Variants in ARHGEF10L observed in about 807,000 individuals in gnomAD.
ARHGEF10L encodes Rho guanine nucleotide exchange factor 10 like.
A neutral mutation model predicts 141.2 loss-of-function variants in ARHGEF10L; 69 were observed. The observed-to-expected ratio is 0.49, with a 90% CI of 0.40 to 0.60. ARHGEF10L has a LOEUF of 0.60. Ranked by LOEUF, ARHGEF10L falls within the 20% of genes least tolerant of loss-of-function variation. The pLI is 0.00. For missense variants in ARHGEF10L, 1,482 were observed against 1,734.3 expected (o/e 0.85, Z 2.58); for synonymous variants, 711 against 718.5 (o/e 0.99, Z 0.17).
intron 26 of ARHGEF10L, among the ~76,000 whole-genome samples, chr1:17,684,229 G>C (rs1210874080): frequency 6.6e-6 from 1 of 152,200 alleles, no homozygotes; most frequent in Non-Finnish European, 1.5e-5. Flanking sequence ...CCTCATGGGA[G>C]GTTTCCTTCC....
At chr1:17,601,049 C>CAAAAAAAA (rs55806926) in intron 4 of ARHGEF10L, among the ~76,000 whole-genome samples, 9 of 50,954 alleles carry the variant, frequency 1.8e-4, no homozygotes, top group African/African-American at 2.6e-4. Context: ...GGCTCTGTCT[C>CAAAAAAAA]AAAAAAAAAA....
At chr1:17,585,878 TAGAAA>T (rs1310619902) in intron 2 of ARHGEF10L, among the ~76,000 whole-genome samples, 1 of 152,200 alleles carries the variant, frequency 6.6e-6, no homozygotes, top group Non-Finnish European at 1.5e-5. Context: ...ACCCATGGGC[TAGAAA>T]ATCCTGTTTG....
chr1:17,568,108 T>G (rs1421220733), intron 1 of ARHGEF10L, among the ~76,000 whole-genome samples: 1 of 152,162 alleles, frequency 6.6e-6, no homozygotes, highest in African/African-American at 2.4e-5. Context: ...AGGCAGGCAG[T>G]GCCTTCCTGG....
rs2060477444 is a variant in ARHGEF10L, at chr1:17,627,992, G to A, written c.1584+489G>A. Among the ~76,000 whole-genome samples, 1 of 151,768 alleles carries A rather than the reference G, an allele frequency of 6.6e-6. No individual in the cohort carries two copies. Among genetic ancestry groups the A allele is most frequent in the Non-Finnish European group, 1.5e-5 (1 of 67,974 alleles). On this transcript the variant is annotated intron_variant, in intron 15 of 28. Transcript: ENST00000361221. The surrounding 1 kb of genome is among the most constrained non-coding windows in gnomAD (Gnocchi z 4.0). ...CTTAACACAAGAAGAAAGATGAAAA[G>A]TCCATGCCATGTTTTGGGGTTGCCG...
At chr1:17,687,864 C>A (rs995432758) in intron 27 of ARHGEF10L, 117 bp downstream of exon 27, 3 of 1,192,066 alleles carry the variant, frequency 2.5e-6, no homozygotes, top group Non-Finnish European at 3.4e-6. Context: ...AAAACTGGGG[C>A]TTTAATTTGG....
At chr1:17,562,432 AAG>A in intron 1 of ARHGEF10L, among the ~76,000 whole-genome samples, 1 of 152,170 alleles carries the variant, frequency 6.6e-6, no homozygotes, top group East Asian at 1.9e-4. Context: ...AACAAACAAA[AAG>A]AGTGGGGAGT....
At chr1:17,549,903 G>C (rs561956263) in intron 1 of ARHGEF10L, among the ~76,000 whole-genome samples, 7 of 152,312 alleles carry the variant, frequency 4.6e-5, no homozygotes, top group African/African-American at 1.7e-4. Flanking sequence ...ACAAAGATAT[G>C]GTGAAGTTTT....
At position 17,587,524 on chromosome 1, in the gene ARHGEF10L, G is replaced by A. The variant is rs371033685; in HGVS notation, c.102G>A (p.Ala34=). The A allele has an allele frequency of 1.6e-5, 26 of 1,614,072 alleles. No individual in the cohort carries two copies. The East Asian group carries it at 3.1e-4, about 19-fold the overall frequency. Residue 34 remains alanine, a synonymous_variant, in exon 3 of 29, where the codon GCG becomes GCA. Coordinates refer to ENST00000361221, the MANE Select transcript of ARHGEF10L (RefSeq NM_018125.4). ...AGGCAGAGGACGACCCAGGAGAGGC[G>A]TTTGAGTTTGATGACAGTGATGATG... ...SSEAEDDPGE[A]FEFDDSDDEE... is the part of the protein sequence containing the mutation.
intron 15 of ARHGEF10L, among the ~76,000 whole-genome samples, chr1:17,630,306 T>C (rs186942128): frequency 6.6e-6 from 1 of 152,356 alleles, no homozygotes; most frequent in African/African-American, 2.4e-5. Context: ...GGTTTTCTTT[T>C]TCTTTTTGTT....
chr1:17,686,035 G>A (rs916612804), intron 26 of ARHGEF10L, among the ~76,000 whole-genome samples: 5 of 151,904 alleles, frequency 3.3e-5, no homozygotes, highest in Admixed American at 1.3e-4. Flanking sequence ...CCCCTGTCCC[G>A]CTTCTTCCCC....
At chr1:17,553,302 A>T (rs1396907641) in intron 1 of ARHGEF10L, among the ~76,000 whole-genome samples, 1 of 152,150 alleles carries the variant, frequency 6.6e-6, no homozygotes, top group East Asian at 1.9e-4. Flanking sequence ...CTTCTGTGAG[A>T]TGGGTAGATT....
In ARHGEF10L at chr1:17,697,431, C is replaced by T. The variant is rs377615926; in HGVS notation, c.*51C>T. On this transcript the variant is annotated 3_prime_UTR_variant, in exon 29 of 29. Coordinates refer to ENST00000361221, the MANE Select transcript of ARHGEF10L (RefSeq NM_018125.4). This position sits in a 1 kb window ranked among gnomAD's most constrained non-coding sequence, Gnocchi z 4.8. ...ACAGCTGCAGGCCTGACCAAGGCCA[C>T]GCCCGGCTCTCGTGCTCTAGGACCT... 3.3e-4 allele frequency: 499 copies of T among 1,532,916 alleles called. No individual in the cohort carries two copies. The highest frequency in any genetic ancestry group is 3.6e-4 in the Non-Finnish European group (410 of 1,138,192). The allele number at this position is 1,532,916 out of a possible 1,614,324, so 95.0% of individuals were successfully genotyped here.
intron 9 of ARHGEF10L, chr1:17,618,256 CT>C: frequency 1.5e-6 from 2 of 1,371,144 alleles, no homozygotes; most frequent in Non-Finnish European, 9.7e-7. Context: ...CTCCTCAGCC[CT>C]CCCCACCCCG....
chr1:17,695,819 C>G (rs1487826518), intron 28 of ARHGEF10L, among the ~76,000 whole-genome samples: 1 of 152,094 alleles, frequency 6.6e-6, no homozygotes, highest in Non-Finnish European at 1.5e-5. Context: ...TGACTGTGGT[C>G]TTTTCCAGCA....
At chr1:17,692,320 A>G (rs1389370438) in intron 27 of ARHGEF10L, among the ~76,000 whole-genome samples, 1 of 151,952 alleles carries the variant, frequency 6.6e-6, no homozygotes, top group Non-Finnish European at 1.5e-5. Context: ...AGTTTGCATC[A>G]TGTTGCCAGA....
chr1:17,609,828 C>G (rs1443279626), intron 7 of ARHGEF10L, among the ~76,000 whole-genome samples: 1 of 152,152 alleles, frequency 6.6e-6, no homozygotes. Flanking sequence ...CAGCTCGTTG[C>G]TGCTTCCTGC....
At chr1:17,552,571 G>GTTTTTTTTT (rs34766409) in intron 1 of ARHGEF10L, among the ~76,000 whole-genome samples, 20 of 44,924 alleles carry the variant, frequency 4.5e-4, no homozygotes, top group East Asian at 1.4e-3. Flanking sequence ...GCTAATTTTC[G>GTTTTTTTTT]TTTTTTTTTT....
At chr1:17,688,547 G>T (rs1249145069) in intron 27 of ARHGEF10L, among the ~76,000 whole-genome samples, 1 of 152,212 alleles carries the variant, frequency 6.6e-6, no homozygotes, top group East Asian at 1.9e-4. Context: ...GGGTGCAGTG[G>T]CTCTGTCTTG....
At chr1:17,533,965 C>CT in the ARHGEF10L span, among the ~76,000 whole-genome samples, 92 of 146,486 alleles carry the variant, frequency 6.3e-4, no homozygotes, top group East Asian at 1.5e-3. Flanking sequence ...TCTTCTTCTT[C>CT]TTTTTTTTTT....
Sources: gnomAD v4.1 joint callset for allele counts (sites outside exome capture counted in the v4.1 genomes callset) on GRCh38, gnomAD v4.1.1 for gene constraint, Gnocchi (gnomAD v3.1) non-coding constraint, MANE v1.5 for transcripts, NCBI Gene and HGNC (gene_info 2026-07-23, HGNC 2026-07-21) for gene names.